The following CREM variants were observed in gnomAD, a reference collection of about 807,000 sequenced individuals.
CREM encodes the protein cAMP responsive element modulator.
Under a neutral mutation model 37.3 loss-of-function variants are expected in CREM, and 13 were observed. That is an observed-to-expected ratio of 0.35 (90% CI 0.23 to 0.55). The LOEUF is 0.55. Among genes scored for constraint, CREM ranks in the 20% least tolerant of loss-of-function variants. CREM has a pLI of 0.88. For synonymous variants in CREM, 124 were observed against 120.2 expected, an observed-to-expected ratio of 1.03 and a Z score of -0.21; for missense variants, 296 against 362.3, an observed-to-expected ratio of 0.82 and a Z score of 1.49.
At chr10:35,192,073 G>A (rs1281408176) in intron 6 of CREM, among the ~76,000 whole-genome samples, 1 of 152,126 alleles carries the variant, frequency 6.6e-6, no homozygotes, top group Admixed American at 6.6e-5. Flanking sequence ...CCCTGGCCCT[G>A]GCCTGGGTGC....
At chr10:35,167,916 G>C (rs2093631262) in intron 3 of CREM, 1 of 920,048 alleles carries the variant, frequency 1.1e-6, no homozygotes, top group African/African-American at 1.7e-5. Context: ...TTTTGTTCTT[G>C]CGATAGTTTA....
chr10:35,146,274 C>A (rs565950463), intron 2 of CREM, among the ~76,000 whole-genome samples: 3 of 152,278 alleles, frequency 2.0e-5, no homozygotes, highest in Admixed American at 2.0e-4. Context: ...TTCCAAAATA[C>A]TCCTGCTAGG....
In CREM at chr10:35,127,104, C is replaced by G. The variant is rs965940941; in HGVS notation, c.-144C>G. 1.3e-5 allele frequency: 2 copies of G among 152,732 alleles called. No homozygotes were observed. The highest frequency in any genetic ancestry group is 6.5e-5 in the Admixed American group (1 of 15,282). 9.5% of individuals were successfully genotyped at this position (152,732 alleles called of 1,614,324 possible). A position where few individuals can be genotyped will look rare whatever the true frequency, so the allele number is the denominator to read the frequency against. On this transcript the variant is annotated 5_prime_UTR_variant, in exon 1 of 8. Coordinates refer to ENST00000685392, the MANE Select transcript of CREM (RefSeq NM_183011.2). ...GCTCCGGGTTGCTGGGCGGCGGCGC[C>G]GCTGCTGAGCGGCGGTCGGGCTCGC...
chr10:35,163,286 G>A (rs1282466055), intron 3 of CREM, among the ~76,000 whole-genome samples: 1 of 152,124 alleles, frequency 6.6e-6, no homozygotes, highest in African/African-American at 2.4e-5. Flanking sequence ...ATTGGATATG[G>A]TAATATACCA....
chr10:35,187,199 ATAAT>A (rs1373713600), intron 5 of CREM, among the ~76,000 whole-genome samples: 5 of 77,698 alleles, frequency 6.4e-5, no homozygotes, highest in Non-Finnish European at 1.0e-4. Context: ...ATATTAATAT[ATAAT>A]ATATATTATA....
intron 3 of CREM, among the ~76,000 whole-genome samples, chr10:35,166,474 T>C (rs2093559831): frequency 6.6e-6 from 1 of 151,104 alleles, no homozygotes; most frequent in South Asian, 2.1e-4. Context: ...GGCAGGAGAA[T>C]CGATTCAACC....
intron 1 of CREM, among the ~76,000 whole-genome samples, chr10:35,134,070 T>TC (rs1289885103): frequency 6.6e-6 from 1 of 151,786 alleles, no homozygotes; most frequent in Non-Finnish European, 1.5e-5. Context: ...TTTTTTTTTT[T>TC]CAAGACAGCT....
At chr10:35,145,160 C>CA (rs34802396) in intron 2 of CREM, among the ~76,000 whole-genome samples, 2,902 of 67,584 alleles carry the variant, frequency 0.043, 86 homozygotes, top group African/African-American at 0.077. Context: ...GACACTGTCT[C>CA]AAAAAAAAAA....
intron 3 of CREM, among the ~76,000 whole-genome samples, chr10:35,163,430 T>C (rs2136471365): frequency 6.6e-6 from 1 of 152,222 alleles, no homozygotes; most frequent in Non-Finnish European, 1.5e-5. Flanking sequence ...ATGCCTGTAA[T>C]CCCAACACTT....
At chr10:35,185,106 CT>C (rs34532646) in intron 5 of CREM, among the ~76,000 whole-genome samples, 41,153 of 135,192 alleles carry the variant, frequency 0.3, 5,706 homozygotes, top group South Asian at 0.33. Context: ...CTTTGTACTT[CT>C]TTTTTTTTTT....
At chr10:35,195,577 A>C (rs766917383) in intron 6 of CREM, among the ~76,000 whole-genome samples, 2 of 151,892 alleles carry the variant, frequency 1.3e-5, no homozygotes, top group Non-Finnish European at 2.9e-5. Context: ...GTTACTTCAT[A>C]GGCAACCTGT....
intron 3 of CREM, chr10:35,171,104 A>G (rs1443307434): frequency 2.1e-5 from 3 of 141,302 alleles, no homozygotes; most frequent in Non-Finnish European, 3.1e-5. Flanking sequence ...TTGTAAGGAT[A>G]TGGTTTATGT....
chr10:35,179,399 T>C, intron 5 of CREM, 123 bp downstream of exon 5: 1 of 1,041,648 alleles, frequency 9.6e-7, no homozygotes, highest in Non-Finnish European at 1.3e-6. Context: ...ATACCTAAAC[T>C]GTATCATAGA....
chr10:35,199,338 T>C (rs1434669447), intron 6 of CREM, among the ~76,000 whole-genome samples: 1 of 152,260 alleles, frequency 6.6e-6, no homozygotes, highest in Non-Finnish European at 1.5e-5. Flanking sequence ...GAAAAATGCA[T>C]AACGAAATGT....
At chr10:35,178,259 A>T (rs928665729) in intron 3 of CREM, among the ~76,000 whole-genome samples, 1 of 152,220 alleles carries the variant, frequency 6.6e-6, no homozygotes, top group African/African-American at 2.4e-5. Context: ...AAATGAAATC[A>T]TGCTTAAAAC....
At chr10:35,157,422 A>G (rs1465147267) in intron 3 of CREM, among the ~76,000 whole-genome samples, 1 of 152,038 alleles carries the variant, frequency 6.6e-6, no homozygotes, top group Non-Finnish European at 1.5e-5. Context: ...CTGGAGCCCA[A>G]GAGTTAAGAG....
At chr10:35,199,058 A>G (rs1369204656) in intron 6 of CREM, among the ~76,000 whole-genome samples, 1 of 152,230 alleles carries the variant, frequency 6.6e-6, no homozygotes, top group African/African-American at 2.4e-5. Flanking sequence ...CTGAGGCGGA[A>G]GAATCACTTG....
At chr10:35,189,677 G>A (rs1287095389) in intron 6 of CREM, among the ~76,000 whole-genome samples, 2 of 151,980 alleles carry the variant, frequency 1.3e-5, no homozygotes, top group African/African-American at 2.4e-5. Context: ...CGCCATGCCC[G>A]GCTAATTTAT....
intron 6 of CREM, chr10:35,196,348 AGT>A (rs1310958581): frequency 9.9e-6 from 5 of 506,846 alleles, no homozygotes; most frequent in Non-Finnish European, 1.8e-5. Context: ...AGTAACAAAG[AGT>A]GATTTTGGAA....
Sources: allele counts gnomAD v4.1 joint callset (sites outside exome capture counted in the v4.1 genomes callset), GRCh38; gene constraint gnomAD v4.1.1; transcripts MANE v1.5; gene names NCBI Gene and HGNC (gene_info 2026-07-23, HGNC 2026-07-21).